Variants in TET3 observed in about 807,000 individuals in gnomAD.
TET3 encodes methylcytosine dioxygenase TET3.
Under a neutral mutation model 141.4 loss-of-function variants are expected in TET3, and 19 were observed. The ratio of observed to expected loss-of-function variants is 0.13; its 90% CI spans 0.09 to 0.20. The LOEUF (loss-of-function observed/expected upper bound fraction) is 0.20, where lower values mean the gene tolerates loss of function less well. Ranked by LOEUF, TET3 falls within the 10% of genes least tolerant of loss-of-function variation. The pLI, the probability that TET3 is intolerant of heterozygous loss-of-function variation, is 1.00. For synonymous variants in TET3, 1,043 were observed against 980.9 expected, an observed-to-expected ratio of 1.06 and a Z score of -1.18; for missense variants, 1,874 against 2,356.9, an observed-to-expected ratio of 0.80 and a Z score of 4.24.
At chr2:74,113,191 C>G in the TET3 span, among the ~76,000 whole-genome samples, 26 of 152,030 alleles carry the variant, frequency 1.7e-4, no homozygotes, top group South Asian at 5.0e-3. Flanking sequence ...TCGAGACCAG[C>G]CTGGCCAACA....
chr2:74,100,408 G>T lies in TET3; in HGVS notation c.3620G>T (p.Gly1207Val), dbSNP rs1691118938. The T allele has an allele frequency of 6.4e-7, 1 of 1,564,060 alleles. No individual in the cohort carries two copies. Among genetic ancestry groups the T allele is most frequent in the Admixed American group, 1.9e-5 (1 of 52,406 alleles). Residue 1207 changes from glycine to valine, a missense_variant, in exon 12 of 12, where the codon GGT (glycine) becomes GTT (valine). By Grantham distance (109) the Gly-to-Val change is moderately radical (BLOSUM62 -3). This residue lies in a region of TET3 where 602 missense variants were observed against 590.2 expected (regional missense o/e 1.02). Coordinates refer to ENST00000409262, the MANE Select transcript of TET3 (RefSeq NM_001287491.2). ...GTTTCCCCAGGCCTGTCTCTGAAGGGTGGATTGTCCCAGCAAGGCCTGAAG... is the reference window on the plus strand; with the variant it reads ...GTTTCCCCAGGCCTGTCTCTGAAGGTTGGATTGTCCCAGCAAGGCCTGAAG... The part of the protein sequence containing the change: ...ITSDPGLSLK[G>V]GLSQQGLKPS...
intron 3 of TET3, among the ~76,000 whole-genome samples, chr2:74,011,813 G>A (rs994685433): frequency 6.6e-6 from 1 of 151,822 alleles, no homozygotes; most frequent in Non-Finnish European, 1.5e-5. Flanking sequence ...CAAAGTGGGA[G>A]GATCACTTGA....
intron 2 of TET3, among the ~76,000 whole-genome samples, chr2:73,995,788 G>A (rs1374818506): frequency 1.3e-5 from 2 of 152,146 alleles, no homozygotes; most frequent in African/African-American, 2.4e-5. Context: ...TTTTAGGTTG[G>A]GGAAATAGCT....
intron 2 of TET3, among the ~76,000 whole-genome samples, chr2:74,002,409 G>A (rs1240233227): frequency 6.9e-6 from 1 of 145,874 alleles, no homozygotes; most frequent in Non-Finnish European, 1.5e-5. Flanking sequence ...CCACCCGGAG[G>A]CGCAGTCTGT....
intron 4 of TET3, among the ~76,000 whole-genome samples, chr2:74,051,892 G>T (rs1385558792): frequency 2.0e-5 from 3 of 152,224 alleles, no homozygotes; most frequent in South Asian, 2.1e-4. Context: ...CTAAAACAAT[G>T]GTAGTAGAAT....
chr2:74,000,800 T>TA (rs1489466014), intron 2 of TET3, among the ~76,000 whole-genome samples: 1 of 152,172 alleles, frequency 6.6e-6, no homozygotes, highest in Non-Finnish European at 1.5e-5. Flanking sequence ...GTTGCCCTGT[T>TA]AGAGATGAGC....
intron 4 of TET3, among the ~76,000 whole-genome samples, chr2:74,059,656 G>T (rs777297485): frequency 6.6e-6 from 1 of 151,714 alleles, no homozygotes; most frequent in Non-Finnish European, 1.5e-5. Context: ...TGGCTCAAGT[G>T]ATCCCCACAC....
intron 3 of TET3, among the ~76,000 whole-genome samples, chr2:74,029,685 A>G (rs952795204): frequency 6.6e-6 from 1 of 152,228 alleles, no homozygotes; most frequent in African/African-American, 2.4e-5. Flanking sequence ...CACAGTGAAA[A>G]GAACCTCTTG....
chr2:74,096,823 G>A (rs1025683926), intron 10 of TET3, among the ~76,000 whole-genome samples: 9 of 151,798 alleles, frequency 5.9e-5, no homozygotes, highest in Admixed American at 1.3e-4. Flanking sequence ...TGGGCACGGT[G>A]GCTCACACCT....
chr2:74,063,659 A>G (rs1688720254), intron 4 of TET3, among the ~76,000 whole-genome samples: 1 of 152,076 alleles, frequency 6.6e-6, no homozygotes, highest in Admixed American at 6.5e-5. Flanking sequence ...GGAGGGGGAG[A>G]TGAGTTGTTC....
intron 4 of TET3, among the ~76,000 whole-genome samples, chr2:74,049,055 A>G (rs1328370329): frequency 6.6e-6 from 1 of 152,172 alleles, no homozygotes; most frequent in Non-Finnish European, 1.5e-5. Context: ...CTGAGGAGAC[A>G]TAGCTGTAAG....
At chr2:74,125,827 G>GCCCA in the TET3 span, among the ~76,000 whole-genome samples, 4 of 151,990 alleles carry the variant, frequency 2.6e-5, no homozygotes, top group Non-Finnish European at 5.9e-5. Context: ...GAGCCACCAT[G>GCCCA]CCCAGCTGAA....
intron 10 of TET3, among the ~76,000 whole-genome samples, chr2:74,097,767 G>A (rs1049844833): frequency 3.3e-5 from 5 of 152,198 alleles, no homozygotes; most frequent in African/African-American, 1.2e-4. Flanking sequence ...TAAGGCCAGG[G>A]AAATATTGGT....
intron 3 of TET3, among the ~76,000 whole-genome samples, chr2:74,003,954 C>T (rs1685011786): frequency 6.6e-6 from 1 of 152,102 alleles, no homozygotes; most frequent in Admixed American, 6.5e-5. Context: ...TTGGCATGGA[C>T]CCGATCAGTA....
chr2:74,095,114 G>A (rs959406622), intron 10 of TET3, among the ~76,000 whole-genome samples: 3 of 152,174 alleles, frequency 2.0e-5, no homozygotes, highest in African/African-American at 4.8e-5. Flanking sequence ...GGCTGAGGAC[G>A]AGACAAGGGC....
intron 10 of TET3, among the ~76,000 whole-genome samples, chr2:74,098,864 G>A (rs774160322): frequency 1.1e-4 from 16 of 152,180 alleles, no homozygotes; most frequent in East Asian, 1.9e-4. Flanking sequence ...AAAAGGAAAC[G>A]TATTTTAAGA....
At chr2:74,014,141 A>C (rs1467676491) in intron 3 of TET3, among the ~76,000 whole-genome samples, 1 of 152,094 alleles carries the variant, frequency 6.6e-6, no homozygotes, top group Non-Finnish European at 1.5e-5. Context: ...TTTCTACTGT[A>C]GTCTTATATA....
intron 4 of TET3, among the ~76,000 whole-genome samples, chr2:74,060,958 C>G (rs1382253475): frequency 6.6e-6 from 1 of 152,204 alleles, no homozygotes; most frequent in Non-Finnish European, 1.5e-5. Flanking sequence ...CAATCTTTTC[C>G]CCACCTTTCC....
At chr2:74,085,996 A>T (rs186068649) in intron 6 of TET3, among the ~76,000 whole-genome samples, 1 of 152,148 alleles carries the variant, frequency 6.6e-6, no homozygotes, top group Non-Finnish European at 1.5e-5. Context: ...CATTATGTCA[A>T]TGGTGTTCCA....
Sources: allele counts gnomAD v4.1 joint callset (sites outside exome capture counted in the v4.1 genomes callset), GRCh38; gene constraint gnomAD v4.1.1; regional missense constraint gnomAD v4.1.1; transcripts MANE v1.5; gene names NCBI Gene and HGNC (gene_info 2026-07-23, HGNC 2026-07-21).